Variants in ALDH1L2 observed in about 807,000 individuals in gnomAD.
The protein encoded by ALDH1L2 is aldehyde dehydrogenase 1 family member L2, also known as mitochondrial 10-formyltetrahydrofolate dehydrogenase.
Under a neutral mutation model 111.0 loss-of-function variants are expected in ALDH1L2, and 91 were observed. The observed-to-expected ratio is 0.82, with a 90% CI of 0.69 to 0.98. The LOEUF (loss-of-function observed/expected upper bound fraction) is 0.98. Among genes scored for constraint, ALDH1L2 ranks in the 50% least tolerant of loss-of-function variants. ALDH1L2 has a pLI of 0.00. For synonymous variants in ALDH1L2, 374 were observed against 392.6 expected, an observed-to-expected ratio of 0.95 and a Z score of 0.56; for missense variants, 995 against 1,126.8, an observed-to-expected ratio of 0.88 and a Z score of 1.67.
At chr12:105,057,924 G>A (rs1876734701) in intron 10 of ALDH1L2, 149 bp downstream of exon 10, 1 of 960,836 alleles carries the variant, frequency 1.0e-6, no homozygotes, top group African/African-American at 1.7e-5. Context: ...ATTTTAAAGG[G>A]GAATTTTATG....
At chr12:105,059,960 C>T (rs1876887866) in intron 9 of ALDH1L2, among the ~76,000 whole-genome samples, 1 of 152,140 alleles carries the variant, frequency 6.6e-6, no homozygotes, top group African/African-American at 2.4e-5. Context: ...TCTTGTTATC[C>T]CAGTTACTCG....
intron 18 of ALDH1L2, among the ~76,000 whole-genome samples, chr12:105,036,832 A>T (rs186574140): frequency 6.6e-6 from 1 of 152,034 alleles, no homozygotes; most frequent in East Asian, 1.9e-4. Flanking sequence ...AAGGTTATAT[A>T]TTCCTAACCC....
At chr12:105,028,456 T>G (rs1359552307) in intron 21 of ALDH1L2, among the ~76,000 whole-genome samples, 2 of 152,218 alleles carry the variant, frequency 1.3e-5, no homozygotes, top group African/African-American at 4.8e-5. Flanking sequence ...ACACAGGATC[T>G]GTTCCAAAAC....
At chr12:105,065,156 A>T in intron 6 of ALDH1L2, 111 bp downstream of exon 6, 1 of 631,624 alleles carries the variant, frequency 1.6e-6, no homozygotes, top group Non-Finnish European at 2.8e-6. Context: ...TGAATCACAG[A>T]CCTGCCTCAT....
At chr12:105,037,329 C>T (rs1386857264) in intron 18 of ALDH1L2, among the ~76,000 whole-genome samples, 1 of 152,124 alleles carries the variant, frequency 6.6e-6, no homozygotes, top group African/African-American at 2.4e-5. Flanking sequence ...CCTAACTTCC[C>T]CCATGATAAC....
At chr12:105,024,589 A>G in intron 22 of ALDH1L2, 110 bp from the exon 23 acceptor site, 1 of 1,074,954 alleles carries the variant, frequency 9.3e-7, no homozygotes, top group Admixed American at 1.9e-5. Context: ...AGTAAATAGA[A>G]TGTGGCCTAA....
intron 1 of ALDH1L2, among the ~76,000 whole-genome samples, chr12:105,075,599 C>CA (rs926161971): frequency 6.6e-6 from 1 of 151,594 alleles, no homozygotes; most frequent in Non-Finnish European, 1.5e-5. Context: ...CCCGCCCCCG[C>CA]AAAAAAAGAA....
intron 21 of ALDH1L2, 68 bp downstream of exon 21, chr12:105,030,255 CA>C: frequency 1.7e-6 from 2 of 1,195,568 alleles, no homozygotes; most frequent in Non-Finnish European, 2.4e-6. Context: ...GTGTATATAG[CA>C]CAGTGGCAAA....
intron 1 of ALDH1L2, among the ~76,000 whole-genome samples, chr12:105,083,067 T>C (rs1335677247): frequency 6.6e-6 from 1 of 152,252 alleles, no homozygotes; most frequent in Non-Finnish European, 1.5e-5. Context: ...CCACCTGAGA[T>C]GTTTACCTTT....
intron 17 of ALDH1L2, among the ~76,000 whole-genome samples, chr12:105,039,299 T>C (rs4964316): frequency 0.32 from 48,042 of 152,156 alleles, 8,279 homozygotes; most frequent in South Asian, 0.51. Flanking sequence ...ATTTTGGACA[T>C]TTAGATTGCT....
chr12:105,052,795 A>G lies in ALDH1L2; in HGVS notation c.1407+17T>C. 1 of 1,614,014 alleles carries G rather than the reference A, an allele frequency of 6.2e-7. No homozygotes were observed. Among genetic ancestry groups the G allele is most frequent in the Non-Finnish European group, 8.5e-7 (1 of 1,179,944 alleles). On this transcript the variant is annotated intron_variant, in intron 11 of 22. Coordinates refer to ENST00000258494, the MANE Select transcript of ALDH1L2 (RefSeq NM_001034173.4). The stretch of plus-strand genomic sequence containing the variant: ...TCCATGACCAGTGATCACTACTCAC[A>G]CTAAAGAATTACTCACAGATCCATC...
chr12:105,052,393 G>T (rs953367681), intron 11 of ALDH1L2, among the ~76,000 whole-genome samples, 176 bp from the exon 12 acceptor site: 1 of 152,182 alleles, frequency 6.6e-6, no homozygotes, highest in East Asian at 1.9e-4. Context: ...TATGAAAATT[G>T]TGAACCAGAA....
chr12:105,070,394 A>G (rs1373022374), intron 3 of ALDH1L2, 176 bp downstream of exon 3: 3 of 608,992 alleles, frequency 4.9e-6, no homozygotes, highest in Non-Finnish European at 8.6e-6. Flanking sequence ...ATTGAAATAC[A>G]CTCACCCTCT....
In ALDH1L2 at chr12:105,051,946, G is replaced by A. The variant is rs548505153; in HGVS notation, c.1535+144C>T. 349 of 681,260 alleles carry A rather than the reference G, an allele frequency of 5.1e-4. 1 individual carries two copies. In the South Asian group the frequency reaches 7.0e-3, roughly 14 times the overall value. 42.2% of individuals were successfully genotyped at this position (681,260 alleles called of 1,614,324 possible). On this transcript the variant is annotated intron_variant, in intron 12 of 22. Coordinates refer to ENST00000258494, the MANE Select transcript of ALDH1L2 (RefSeq NM_001034173.4). ...ACTACAGGCACGTGCCACCACTCAC[G>A]CCTGTAATCCCAGCACTTTGGGAGG...
chr12:105,039,757 A>C lies in ALDH1L2; in HGVS notation c.2001T>G (p.Leu667=), dbSNP rs772038358. Reference sequence around the variant, plus strand: ...CAATAGGAGTGGATCCAGTGAAACCAAGTTTGCGGATGTCAGGATGTTCAG... The same window carrying C: ...CAATAGGAGTGGATCCAGTGAAACCCAGTTTGCGGATGTCAGGATGTTCAG... ...RLSEHPDIRK[L]GFTGSTPIGK... is the part of the protein sequence containing the mutation. The change falls in exon 17 of 23, where the codon CTT becomes CTG. Residue 667 remains leucine, a synonymous_variant. Transcript: ENST00000258494. 1.9e-6 allele frequency: 3 copies of C among 1,613,934 alleles called. No homozygotes were observed. The African/African-American group carries it at 4.0e-5, about 22-fold the overall frequency.
intron 1 of ALDH1L2, among the ~76,000 whole-genome samples, chr12:105,080,327 C>A (rs1878278930): frequency 6.6e-6 from 1 of 152,064 alleles, no homozygotes; most frequent in Admixed American, 6.5e-5. Flanking sequence ...TTCTAAGTTG[C>A]ATTTGCCTGA....
intron 18 of ALDH1L2, 80 bp from the exon 19 acceptor site, chr12:105,034,478 A>T (rs1467186425): frequency 5.3e-6 from 7 of 1,333,122 alleles, no homozygotes; most frequent in Non-Finnish European, 7.3e-6. Context: ...AGAGGGAGTT[A>T]GTTGTTTTTG....
At position 105,034,321 on chromosome 12, in the gene ALDH1L2, G is replaced by A. The variant is rs748617713; in HGVS notation, c.2223C>T (p.His741=). ...TCACCACTCTTGTCACAAATTCGTCGTGGATGGATTCTTCCACGAACAACC... is the reference window on the plus strand; with the variant it reads ...TCACCACTCTTGTCACAAATTCGTCATGGATGGATTCTTCCACGAACAACC... ...AGRLFVEESI[H]DEFVTRVVEE... The change falls in exon 19 of 23, where the codon CAC becomes CAT. Residue 741 remains histidine, a synonymous_variant. Coordinates refer to ENST00000258494, the MANE Select transcript of ALDH1L2 (RefSeq NM_001034173.4). The A allele has an allele frequency of 3.2e-5, 51 of 1,613,776 alleles. No individual in the cohort carries two copies. The highest frequency in any genetic ancestry group is 1.2e-4 in the South Asian group (11 of 91,044).
rs952198512 is a variant in ALDH1L2 at position 105,020,056 on chromosome 12, A to C, written c.*4368T>G. On this transcript the variant is annotated 3_prime_UTR_variant, in exon 23 of 23. Coordinates refer to ENST00000258494, the MANE Select transcript of ALDH1L2 (RefSeq NM_001034173.4). The stretch of plus-strand genomic sequence containing the variant: ...ATGTTTTTTACATCATTGGGTATTT[A>C]ATCATTTTAAAAATCTACTCAGGCA... 6.6e-6 allele frequency: 1 copy of C among 152,170 alleles called. No homozygotes were observed. The highest frequency in any genetic ancestry group is 1.5e-5 in the Non-Finnish European group (1 of 68,032). 9.4% of individuals were successfully genotyped at this position (152,170 alleles called of 1,614,324 possible).
Sources: allele counts gnomAD v4.1 joint callset (sites outside exome capture counted in the v4.1 genomes callset), GRCh38; gene constraint gnomAD v4.1.1; transcripts MANE v1.5; gene names NCBI Gene and HGNC (gene_info 2026-07-23, HGNC 2026-07-21).